CA5A: variants seen among roughly 807,000 people sequenced by gnomAD.
CA5A encodes the protein carbonic anhydrase 5A, also known as carbonic anhydrase 5A, mitochondrial.
A neutral mutation model predicts 37.1 loss-of-function variants in CA5A; 28 were observed. The observed-to-expected ratio is 0.75, with a 90% CI of 0.56 to 1.03. The LOEUF (loss-of-function observed/expected upper bound fraction) is 1.03, where lower values mean the gene tolerates loss of function less well. Ranked by LOEUF, CA5A falls within the 50% of genes least tolerant of loss-of-function variation. The pLI, the probability that CA5A is intolerant of heterozygous loss-of-function variation, is 0.00. For missense variants in CA5A, 444 were observed against 399.9 expected (o/e 1.11, Z -0.94); for synonymous variants, 171 against 158.4 (o/e 1.08, Z -0.60).
At chr16:87,898,523 C>T (rs947327848) in intron 5 of CA5A, among the ~76,000 whole-genome samples, 3 of 152,150 alleles carry the variant, frequency 2.0e-5, no homozygotes, top group Non-Finnish European at 2.9e-5. Flanking sequence ...AGAAAGCACC[C>T]GCAGCAACAA....
At chr16:87,894,158 T>C (rs921873745) in intron 5 of CA5A, among the ~76,000 whole-genome samples, 27 of 152,202 alleles carry the variant, frequency 1.8e-4, no homozygotes, top group African/African-American at 6.3e-4. Flanking sequence ...AGGCAGAGTC[T>C]CACTCTGTCT....
rs1445038827 is a variant in CA5A at position 87,911,606 on chromosome 16, G to A, written c.341-6702C>T. ...TAGTGCACGTTCCCAAGCTGTAAAGGGTGACACGGCTGAGGGCTTCTGTGT... is the reference window on the plus strand; with the variant it reads ...TAGTGCACGTTCCCAAGCTGTAAAGAGTGACACGGCTGAGGGCTTCTGTGT... On this transcript the variant is annotated intron_variant, in intron 2 of 6. Transcript: ENST00000649794. The surrounding 1 kb of genome is among the most constrained non-coding windows in gnomAD (Gnocchi z 4.6). Among the ~76,000 whole-genome samples, 1 of 147,288 alleles carries A rather than the reference G, an allele frequency of 6.8e-6. No homozygotes were observed. The highest frequency in any genetic ancestry group is 1.5e-5 in the Non-Finnish European group (1 of 65,534).
intron 4 of CA5A, chr16:87,882,453 T>G (rs531291385): frequency 1.3e-5 from 2 of 152,252 alleles, no homozygotes; most frequent in Non-Finnish European, 2.9e-5. Context: ...AGCCTCAGTT[T>G]CCTTATTAAA....
At chr16:87,919,039 A>G (rs2056194335) in intron 2 of CA5A, among the ~76,000 whole-genome samples, 2 of 152,218 alleles carry the variant, frequency 1.3e-5, no homozygotes, top group African/African-American at 4.8e-5. Flanking sequence ...GCTCATTTCC[A>G]TGGCCCGGGA....
chr16:87,923,003 TGAG>T (rs1370854142), intron 2 of CA5A, among the ~76,000 whole-genome samples: 5 of 152,174 alleles, frequency 3.3e-5, no homozygotes, highest in Non-Finnish European at 5.9e-5. Flanking sequence ...AAGCCCTTGG[TGAG>T]GAGAAGTGAG....
chr16:87,929,812 C>T lies in CA5A; in HGVS notation c.143-2867G>A, dbSNP rs535725406. Among the ~76,000 whole-genome samples, 9 of 125,814 alleles carry T rather than the reference C, an allele frequency of 7.2e-5. No individual in the cohort carries two copies. In the South Asian group the frequency reaches 2.3e-3, roughly 32 times the overall value. 82.5% of individuals were successfully genotyped at this position (125,814 alleles called of 152,430 possible). A position where few individuals can be genotyped will look rare whatever the true frequency, so the allele number is the denominator to read the frequency against. ...GCGTGAGCCCGGGAGGCGGAGCTTGCAGTGAGCCGAGATCGCGCCACCGCA... is the reference window on the plus strand; with the variant it reads ...GCGTGAGCCCGGGAGGCGGAGCTTGTAGTGAGCCGAGATCGCGCCACCGCA... On this transcript the variant is annotated intron_variant, in intron 1 of 6. Coordinates refer to ENST00000649794, the MANE Select transcript of CA5A (RefSeq NM_001739.2).
intron 2 of CA5A, among the ~76,000 whole-genome samples, chr16:87,908,560 T>A (rs1364410847): frequency 6.6e-6 from 1 of 152,172 alleles, no homozygotes; most frequent in Non-Finnish European, 1.5e-5. Context: ...AGCCGATGCC[T>A]GCCGGATCCC....
chr16:87,917,673 G>GCA (rs57604818), intron 2 of CA5A, among the ~76,000 whole-genome samples: 90,095 of 149,962 alleles, frequency 0.6, 27,980 homozygotes, highest in East Asian at 0.9. Context: ...AGAGACACAT[G>GCA]CACACAGTGC....
intron 1 of CA5A, among the ~76,000 whole-genome samples, chr16:87,933,769 A>C (rs1303004346): frequency 6.6e-6 from 1 of 152,216 alleles, no homozygotes; most frequent in East Asian, 1.9e-4. Context: ...AATTTTTAGT[A>C]ACAATATTCT....
intron 5 of CA5A, among the ~76,000 whole-genome samples, chr16:87,895,764 G>A (rs904075214): frequency 6.6e-6 from 1 of 151,928 alleles, no homozygotes; most frequent in African/African-American, 2.4e-5. Flanking sequence ...TGTAACATGT[G>A]GAACATTTGT....
At chr16:87,925,111 C>T (rs1386578929) in intron 2 of CA5A, among the ~76,000 whole-genome samples, 1 of 152,196 alleles carries the variant, frequency 6.6e-6, no homozygotes, top group Non-Finnish European at 1.5e-5. Context: ...GAGCAAGATC[C>T]CCAGGCACGT....
At chr16:87,895,898 C>T (rs986632137) in intron 5 of CA5A, among the ~76,000 whole-genome samples, 32 of 152,182 alleles carry the variant, frequency 2.1e-4, no homozygotes, top group Admixed American at 2.0e-3. Context: ...GGTTGACATC[C>T]CATTGCACGC....
intron 2 of CA5A, among the ~76,000 whole-genome samples, chr16:87,917,680 G>A (rs930273369): frequency 7.9e-6 from 1 of 125,848 alleles, no homozygotes; most frequent in Non-Finnish European, 1.6e-5. Flanking sequence ...CATGCACACA[G>A]TGCACAATGC....
At position 87,911,232 on chromosome 16, in the gene CA5A, T is replaced by C. The variant is rs139038775; in HGVS notation, c.341-6328A>G. 9.9e-3 allele frequency among the ~76,000 whole-genome samples: 1,503 copies of C among 152,084 alleles called. 6 individuals carry two copies. The highest frequency in any genetic ancestry group is 0.013 in the Non-Finnish European group (918 of 68,002). On this transcript the variant is annotated intron_variant, in intron 2 of 6. Coordinates refer to ENST00000649794, the MANE Select transcript of CA5A (RefSeq NM_001739.2). The surrounding 1 kb of genome is among the most constrained non-coding windows in gnomAD (Gnocchi z 4.6). ...AGCACTGGCCACTGTTGCCTCAGCG[T>C]TCTGTGTAAGCAGGTGCGTCAGAAC...
chr16:87,888,255 A>G lies in CA5A; in HGVS notation c.792T>C (p.Thr264=). ...VAPSQLSAFR[T]LLFSALGEEE... ...CTTCACCAAGTGCAGAAAACAGGAGAGTACGAAATGCAGAGAGCTGGAATA... is the reference window on the plus strand; with the variant it reads ...CTTCACCAAGTGCAGAAAACAGGAGGGTACGAAATGCAGAGAGCTGGAATA... Residue 264 remains threonine, a synonymous_variant, in exon 7 of 7, where the codon ACT becomes ACC. Coordinates refer to ENST00000649794, the MANE Select transcript of CA5A (RefSeq NM_001739.2). 6.2e-7 allele frequency: 1 copy of G among 1,613,472 alleles called. No homozygotes were observed. The highest frequency in any genetic ancestry group is 8.5e-7 in the Non-Finnish European group (1 of 1,179,604).
In CA5A at chr16:87,934,426, G is replaced by A. The variant is rs553580549; in HGVS notation, c.142+1883C>T. ...TCTACTAAAAATACAAAATTAGCCG[G>A]ATGTGGTGGCGCATGCCTGTAATTC... On this transcript the variant is annotated intron_variant, in intron 1 of 6. Coordinates refer to ENST00000649794, the MANE Select transcript of CA5A (RefSeq NM_001739.2). Among the ~76,000 whole-genome samples the A allele has an allele frequency of 3.9e-5, 6 of 152,322 alleles. No homozygotes were observed. In the South Asian group the frequency reaches 1.2e-3, roughly 32 times the overall value.
chr16:87,891,554 G>C (rs149726345), intron 6 of CA5A, among the ~76,000 whole-genome samples: 1 of 152,128 alleles, frequency 6.6e-6, no homozygotes, highest in African/African-American at 2.4e-5. Flanking sequence ...TGGATGCCTC[G>C]TGTGTCTGTG....
chr16:87,898,758 G>A (rs1284645449), intron 5 of CA5A, among the ~76,000 whole-genome samples: 3 of 141,384 alleles, frequency 2.1e-5, no homozygotes, highest in Non-Finnish European at 3.0e-5. Flanking sequence ...TTTTGGAGAC[G>A]GATTCTCGAG....
chr16:87,928,912 CA>C (rs1290650096), intron 1 of CA5A, among the ~76,000 whole-genome samples: 1 of 150,456 alleles, frequency 6.6e-6, no homozygotes, highest in Non-Finnish European at 1.5e-5. Flanking sequence ...CTATTACAGG[CA>C]CGCGCCGCCA....
Sources: gnomAD v4.1 joint callset for allele counts (sites outside exome capture counted in the v4.1 genomes callset) on GRCh38, gnomAD v4.1.1 for gene constraint, Gnocchi (gnomAD v3.1) non-coding constraint, MANE v1.5 for transcripts, NCBI Gene and HGNC (gene_info 2026-07-23, HGNC 2026-07-21) for gene names.